The following GYS2 variants were observed in gnomAD, a reference collection of about 807,000 sequenced individuals.
GYS2 encodes glycogen synthase 2.
A neutral mutation model predicts 85.6 loss-of-function variants in GYS2; 80 were observed. The observed-to-expected ratio is 0.93, with a 90% confidence interval of 0.78 to 1.13. The LOEUF (loss-of-function observed/expected upper bound fraction) is 1.13. Ranked by LOEUF, GYS2 falls within the 50% of genes most tolerant of loss-of-function variation. The pLI is 0.00. For synonymous variants in GYS2, 328 were observed against 300.7 expected, an observed-to-expected ratio of 1.09 and a Z score of -0.94; for missense variants, 881 against 854.9, an observed-to-expected ratio of 1.03 and a Z score of -0.38.
chr12:21,584,253 T>A (rs73087305), intron 1 of GYS2, among the ~76,000 whole-genome samples: 2,343 of 152,360 alleles, frequency 0.015, 28 homozygotes, highest in Non-Finnish European at 0.02. Context: ...TTTGGCTAGA[T>A]GGTCAGGGAC....
chr12:21,573,078 A>C (rs10770837), intron 4 of GYS2, among the ~76,000 whole-genome samples: 1 of 151,930 alleles, frequency 6.6e-6, no homozygotes, highest in Non-Finnish European at 1.5e-5. Flanking sequence ...TTGACCTTTA[A>C]ATTAGGCTGA....
intron 4 of GYS2, among the ~76,000 whole-genome samples, chr12:21,569,957 C>T (rs1373851539): frequency 1.3e-5 from 2 of 152,082 alleles, no homozygotes; most frequent in African/African-American, 4.8e-5. Flanking sequence ...TGGTAGAACC[C>T]TAATTTGATC....
chr12:21,546,876 CCACTCTTA>C lies in GYS2; in HGVS notation c.1423-414_1423-407del, dbSNP rs1198071498. On this transcript the variant is annotated intron_variant, in intron 11 of 15. Coordinates refer to ENST00000261195, the MANE Select transcript of GYS2 (RefSeq NM_021957.4). The stretch of plus-strand genomic sequence containing the variant: ...AGGGAAGAGGGGGCTGTGTAACAGA[CCACTCTTA>C]CATGCCTTAAGCATGAGTTATTCAA... 3.3e-5 allele frequency among the ~76,000 whole-genome samples: 5 copies of C among 152,250 alleles called. No individual in the cohort carries two copies. In the East Asian group the frequency reaches 9.6e-4, roughly 29 times the overall value.
Position 21,537,178 on chromosome 12 carries a change from G to A in GYS2, c.1891-3C>T. On this transcript the variant is annotated splice_region_variant and splice_polypyrimidine_tract_variant and intron_variant, in intron 15 of 15. Coordinates refer to ENST00000261195, the MANE Select transcript of GYS2 (RefSeq NM_021957.4). The stretch of plus-strand genomic sequence containing the variant: ...CTGGGATATTTAAATCCTTCTGTCT[G>A]CCAAAGACAAAAATAAGACATAAAC... 1 of 1,605,618 alleles carries A rather than the reference G, an allele frequency of 6.2e-7. No individual in the cohort carries two copies. The highest frequency in any genetic ancestry group is 8.5e-7 in the Non-Finnish European group (1 of 1,172,508).
At chr12:21,570,856 G>T (rs1488565423) in intron 4 of GYS2, among the ~76,000 whole-genome samples, 1 of 152,210 alleles carries the variant, frequency 6.6e-6, no homozygotes, top group Non-Finnish European at 1.5e-5. Flanking sequence ...GACAGAGCCA[G>T]TGTTTAAGAA....
At chr12:21,538,909 G>A (rs767527164) in intron 15 of GYS2, among the ~76,000 whole-genome samples, 20 of 152,062 alleles carry the variant, frequency 1.3e-4, no homozygotes, top group Non-Finnish European at 2.1e-4. Context: ...CTTGCCAAGC[G>A]GTCACCCTAT....
intron 11 of GYS2, among the ~76,000 whole-genome samples, chr12:21,552,713 C>T (rs1379599430): frequency 6.6e-6 from 1 of 152,192 alleles, no homozygotes; most frequent in Non-Finnish European, 1.5e-5. Context: ...GACAAACTTT[C>T]ATCTCCACTC....
chr12:21,586,880 A>T lies in GYS2; in HGVS notation c.122-6357T>A, dbSNP rs562717197. 3.3e-5 allele frequency among the ~76,000 whole-genome samples: 5 copies of T among 152,354 alleles called. No homozygotes were observed. In the South Asian group the frequency reaches 1.0e-3, roughly 32 times the overall value. On this transcript the variant is annotated intron_variant, in intron 1 of 15. Coordinates refer to ENST00000261195, the MANE Select transcript of GYS2 (RefSeq NM_021957.4). ...AAAAGATATCTGCATTAGTATGTTC[A>T]AAGTAGCACTGTTCCCAATAGCAAA...
At chr12:21,562,136 C>T (rs1443297872) in intron 7 of GYS2, among the ~76,000 whole-genome samples, 2 of 152,060 alleles carry the variant, frequency 1.3e-5, no homozygotes, top group East Asian at 3.9e-4. Flanking sequence ...AGTTGAGAAC[C>T]CACTTTGTAT....
intron 7 of GYS2, among the ~76,000 whole-genome samples, chr12:21,561,239 G>T (rs1051003432): frequency 2.6e-5 from 4 of 152,300 alleles, no homozygotes; most frequent in Admixed American, 2.6e-4. Context: ...TAGTGCCAAA[G>T]CTGACATTTA....
chr12:21,534,338 C>G (rs898850325), downstream of GYS2, among the ~76,000 whole-genome samples: 37 of 151,988 alleles, frequency 2.4e-4, no homozygotes, highest in Admixed American at 1.6e-3. Context: ...ATGCCAACAC[C>G]CTGTCTCTAC....
In GYS2 at chr12:21,559,076, T is replaced by A. The variant is rs1381975365; in HGVS notation, c.1308+15A>T. On this transcript the variant is annotated intron_variant, in intron 10 of 15. Transcript: ENST00000261195. Reference sequence around the variant, plus strand: ...AATAACTATGGGACATAGTGGGTGCTTTTTTCCTTATTACCTGAGTTGAAA... The same window carrying A: ...AATAACTATGGGACATAGTGGGTGCATTTTTCCTTATTACCTGAGTTGAAA... 1 of 1,490,928 alleles carries A rather than the reference T, an allele frequency of 6.7e-7. No individual in the cohort carries two copies. Among genetic ancestry groups the A allele is most frequent in the African/African-American group, 1.4e-5 (1 of 72,450 alleles). 92.4% of individuals were successfully genotyped at this position (1,490,928 alleles called of 1,614,324 possible).
intron 5 of GYS2, among the ~76,000 whole-genome samples, chr12:21,567,796 T>C (rs913280801): frequency 6.6e-6 from 1 of 152,108 alleles, no homozygotes; most frequent in African/African-American, 2.4e-5. Context: ...CAAAACTGGC[T>C]GGCCGCGGTA....
chr12:21,568,604 C>T (rs1227188467), intron 5 of GYS2, among the ~76,000 whole-genome samples: 1 of 152,164 alleles, frequency 6.6e-6, no homozygotes, highest in Non-Finnish European at 1.5e-5. Context: ...ATTATGACAA[C>T]CCAGGTCATA....
chr12:21,592,513 T>G (rs951615015), intron 1 of GYS2, among the ~76,000 whole-genome samples: 1 of 151,968 alleles, frequency 6.6e-6, no homozygotes, highest in Admixed American at 6.5e-5. Context: ...ACAGATAAAA[T>G]TGACTTTAAA....
At chr12:21,570,223 CAGA>C (rs1309917906) in intron 4 of GYS2, among the ~76,000 whole-genome samples, 1 of 152,190 alleles carries the variant, frequency 6.6e-6, no homozygotes, top group Non-Finnish European at 1.5e-5. Context: ...CTTGGATCAG[CAGA>C]AGTTTTCTTA....
intron 4 of GYS2, among the ~76,000 whole-genome samples, chr12:21,569,307 C>T (rs1235253116): frequency 6.6e-6 from 1 of 152,188 alleles, no homozygotes; most frequent in African/African-American, 2.4e-5. Flanking sequence ...ATTTTAATTA[C>T]ACTTTTACTT....
At chr12:21,579,451 T>C (rs1944483824) in intron 2 of GYS2, among the ~76,000 whole-genome samples, 1 of 150,184 alleles carries the variant, frequency 6.7e-6, no homozygotes, top group African/African-American at 2.4e-5. Flanking sequence ...CCTCCTGGGT[T>C]CAAGTGATTC....
chr12:21,566,283 A>AAAAGTAATGGCTGTAGTT (rs1944319770), intron 5 of GYS2, among the ~76,000 whole-genome samples: 1 of 152,050 alleles, frequency 6.6e-6, no homozygotes, highest in Non-Finnish European at 1.5e-5. Flanking sequence ...GGCTGTAGTT[A>AAAAGTAATGGCTGTAGTT]AACTTTTAAT....
Sources: gnomAD v4.1 joint callset for allele counts (sites outside exome capture counted in the v4.1 genomes callset) on GRCh38, gnomAD v4.1.1 for gene constraint, MANE v1.5 for transcripts, NCBI Gene and HGNC (gene_info 2026-07-23, HGNC 2026-07-21) for gene names.